Variants in IRAG1 observed in about 807,000 individuals in gnomAD.
The protein encoded by IRAG1 is IP3R-associated cGMP kinase substrate.
In IRAG1, 62 loss-of-function variants were observed where a neutral mutation model predicts 106.2. That is an observed-to-expected ratio of 0.58 (90% CI 0.48 to 0.72). IRAG1 has a LOEUF of 0.72. Ranked by LOEUF, IRAG1 falls within the 30% of genes least tolerant of loss-of-function variation. IRAG1 has a pLI of 0.00. For synonymous variants in IRAG1, 462 were observed against 443.9 expected, an observed-to-expected ratio of 1.04 and a Z score of -0.51; for missense variants, 1,064 against 1,140.7, an observed-to-expected ratio of 0.93 and a Z score of 0.97.
chr11:10,591,088 G>C (rs1852603747), intron 18 of IRAG1, among the ~76,000 whole-genome samples: 1 of 152,194 alleles, frequency 6.6e-6, no homozygotes, highest in South Asian at 2.1e-4. Flanking sequence ...GTATTGTCCT[G>C]TCTGGAGGGG....
rs190290919 is a variant in IRAG1 at position 10,603,097 on chromosome 11, G to C, written c.1875+23C>G. ...TACGTAGGTGGAACAGAGTTGGCAA[G>C]ACCGGGGGCTGGAGAGACTCACCTG... is the stretch of plus-strand genomic sequence containing the variant. On this transcript the variant is annotated intron_variant, in intron 14 of 20. Coordinates refer to ENST00000423302, the MANE Select transcript of IRAG1 (RefSeq NM_130385.4). 4,034 of 1,602,842 alleles carry C rather than the reference G, an allele frequency of 2.5e-3. 7 individuals are homozygous for C. The highest frequency in any genetic ancestry group is 3.2e-3 in the Non-Finnish European group (3,800 of 1,175,562).
At chr11:10,662,706 T>A (rs1399325494) in intron 1 of IRAG1, among the ~76,000 whole-genome samples, 1 of 152,212 alleles carries the variant, frequency 6.6e-6, no homozygotes. Context: ...AACCACCTCC[T>A]TCCTGACAGA....
At chr11:10,603,350 A>C in intron 13 of IRAG1, 99 bp from the exon 14 acceptor site, 3 of 1,417,308 alleles carry the variant, frequency 2.1e-6, no homozygotes, top group Non-Finnish European at 2.9e-6. Context: ...GGTTTGGAAG[A>C]CAATTTTTCC....
In IRAG1 at chr11:10,573,312, A is replaced by G. The variant is rs1166503982; in HGVS notation, c.*3020T>C. 6.6e-6 allele frequency: 1 copy of G among 152,236 alleles called. No individual in the cohort carries two copies. Among genetic ancestry groups the G allele is most frequent in the East Asian group, 1.9e-4 (1 of 5,188 alleles). 9.4% of individuals were successfully genotyped at this position (152,236 alleles called of 1,614,324 possible). ...GAAGGTCTTTTTAGGAGGTGACATC[A>G]ACAATGACACAAACACATCACTCTG... On this transcript the variant is annotated 3_prime_UTR_variant, in exon 21 of 21. Transcript: ENST00000423302.
intron 16 of IRAG1, 54 bp from the exon 17 acceptor site, chr11:10,593,653 G>A: frequency 1.5e-6 from 2 of 1,347,952 alleles, no homozygotes; most frequent in East Asian, 2.3e-5. Flanking sequence ...AATAGCCATA[G>A]TTCAGAAGGG....
Position 10,646,241 on chromosome 11 carries a change from GT to G in IRAG1, c.225+5783del, listed in dbSNP as rs1857933360. On this transcript the variant is annotated intron_variant, in intron 2 of 20. Transcript: ENST00000423302. ...AGGCCTCCTACAACCCTTGTCCACT[GT>G]TTTTACTCTCATGCCAACAGACTTT... 1.3e-5 allele frequency among the ~76,000 whole-genome samples: 2 copies of G among 152,208 alleles called. 1 individual carries two copies. The highest frequency in any genetic ancestry group is 4.1e-4 in the South Asian group (2 of 4,834).
At chr11:10,650,508 G>A (rs930955048) in intron 2 of IRAG1, among the ~76,000 whole-genome samples, 5 of 152,216 alleles carry the variant, frequency 3.3e-5, no homozygotes, top group Non-Finnish European at 7.3e-5. Flanking sequence ...TGTTAGTAAA[G>A]TAGAAGGGGC....
chr11:10,594,668 G>A (rs1853075314), intron 15 of IRAG1, among the ~76,000 whole-genome samples: 1 of 152,114 alleles, frequency 6.6e-6, no homozygotes, highest in African/African-American at 2.4e-5. Context: ...CAGAGCAAAG[G>A]AAGCTACCAC....
rs1315855773 is a variant in IRAG1 at position 10,659,033 on chromosome 11, G to C, written c.68-6851C>G. On this transcript the variant is annotated intron_variant, in intron 1 of 20. Coordinates refer to ENST00000423302, the MANE Select transcript of IRAG1 (RefSeq NM_130385.4). The surrounding 1 kb of genome is among the most constrained non-coding windows in gnomAD (Gnocchi z 4.1). ...CCAGGTCTGTGCTGTGCTTGCCCCAGATCTGTGCTGTGCTTAGTCCCAGGT... is the reference window on the plus strand; with the variant it reads ...CCAGGTCTGTGCTGTGCTTGCCCCACATCTGTGCTGTGCTTAGTCCCAGGT... Among the ~76,000 whole-genome samples, 1 of 151,172 alleles carries C rather than the reference G, an allele frequency of 6.6e-6. No individual in the cohort carries two copies. The highest frequency in any genetic ancestry group is 1.5e-5 in the Non-Finnish European group (1 of 67,726).
chr11:10,627,662 G>A, intron 8 of IRAG1, 54 bp downstream of exon 8: 1 of 1,599,236 alleles, frequency 6.3e-7, no homozygotes, highest in Non-Finnish European at 8.6e-7. Flanking sequence ...AGGCTTCTAG[G>A]AGACTGTGCC....
intron 1 of IRAG1, among the ~76,000 whole-genome samples, chr11:10,663,575 C>G (rs1564934237): frequency 6.6e-6 from 1 of 152,324 alleles, no homozygotes; most frequent in East Asian, 1.9e-4. Context: ...GAAGGCTTCC[C>G]TGACCTCTCC....
At chr11:10,675,251 C>T (rs1221380600) in intron 1 of IRAG1, among the ~76,000 whole-genome samples, 1 of 152,186 alleles carries the variant, frequency 6.6e-6, no homozygotes, top group Non-Finnish European at 1.5e-5. Context: ...CTAAAATGTC[C>T]CCATTCACCC....
At chr11:10,615,797 G>C (rs977608983) in intron 10 of IRAG1, among the ~76,000 whole-genome samples, 16 of 152,030 alleles carry the variant, frequency 1.1e-4, no homozygotes, top group East Asian at 2.0e-4. Flanking sequence ...TCCGGGGGAT[G>C]GGGGAGGGAT....
chr11:10,642,868 T>C (rs1857620472), intron 2 of IRAG1, among the ~76,000 whole-genome samples: 1 of 151,778 alleles, frequency 6.6e-6, no homozygotes, highest in African/African-American at 2.4e-5. Flanking sequence ...TACAACAGGA[T>C]AAAAGGACTC....
intron 1 of IRAG1, among the ~76,000 whole-genome samples, chr11:10,686,503 A>T (rs1861665568): frequency 1.3e-5 from 2 of 152,236 alleles, no homozygotes; most frequent in African/African-American, 4.8e-5. Context: ...ATACTGAAAG[A>T]AACCAAGAGA....
At chr11:10,576,951 A>G (rs1434377964) in intron 20 of IRAG1, among the ~76,000 whole-genome samples, 4 of 152,214 alleles carry the variant, frequency 2.6e-5, no homozygotes, top group African/African-American at 9.7e-5. Flanking sequence ...CCGGGGGTAC[A>G]GGATTGGTTG....
chr11:10,691,973 G>A (rs1248866820), intron 1 of IRAG1, among the ~76,000 whole-genome samples: 1 of 152,206 alleles, frequency 6.6e-6, no homozygotes, highest in Non-Finnish European at 1.5e-5. Context: ...ATGAGTTACT[G>A]TATGGGAAGG....
chr11:10,631,757 T>C (rs185011195), intron 4 of IRAG1, among the ~76,000 whole-genome samples: 10 of 152,348 alleles, frequency 6.6e-5, no homozygotes, highest in Admixed American at 5.9e-4. Flanking sequence ...TGTTCTTTCT[T>C]TCTTTGACTT....
intron 17 of IRAG1, 90 bp from the exon 18 acceptor site, chr11:10,591,702 G>C: frequency 8.5e-7 from 1 of 1,179,584 alleles, no homozygotes; most frequent in Non-Finnish European, 1.2e-6. Flanking sequence ...CTGGGAGCGG[G>C]GCTGCTGCTT....
Sources: allele counts gnomAD v4.1 joint callset (sites outside exome capture counted in the v4.1 genomes callset), GRCh38; gene constraint gnomAD v4.1.1; non-coding constraint Gnocchi (gnomAD v3.1); transcripts MANE v1.5; gene names NCBI Gene and HGNC (gene_info 2026-07-23, HGNC 2026-07-21).